PCNT: variants seen among roughly 807,000 people sequenced by gnomAD.
PCNT encodes pericentrin.
PCNT carries 319 observed loss-of-function variants against 380.4 expected under a neutral mutation model. The observed-to-expected ratio is 0.84, with a 90% CI of 0.77 to 0.92. The LOEUF (loss-of-function observed/expected upper bound fraction) is 0.92, where lower values mean the gene tolerates loss of function less well. Among genes scored for constraint, PCNT ranks in the 40% least tolerant of loss-of-function variants. The pLI, the probability that PCNT is intolerant of heterozygous loss-of-function variation, is 0.00. For missense variants in PCNT, 4,400 were observed against 4,255.3 expected (o/e 1.03, Z -0.95); for synonymous variants, 1,845 against 1,735.2 (o/e 1.06, Z -1.57).
At chr21:46,334,319 T>G in intron 2 of PCNT, 78 bp from the exon 3 acceptor site, 2 of 1,603,376 alleles carry the variant, frequency 1.2e-6, no homozygotes, top group South Asian at 2.2e-5. Flanking sequence ...GGCCTGCAGA[T>G]AGAGGAGCTG....
rs774136365 is a variant in PCNT, at chr21:46,431,741, G to A, written c.8277G>A (p.Glu2759=). 4.3e-6 allele frequency: 7 copies of A among 1,612,464 alleles called. No homozygotes were observed. The highest frequency in any genetic ancestry group is 1.7e-4 in the Middle Eastern group (1 of 6,054). Residue 2759 remains glutamate, a synonymous_variant, in exon 38 of 47, where the codon GAG becomes GAA. Transcript: ENST00000359568. The stretch of plus-strand genomic sequence containing the variant: ...AGAGCCGCACCCTGGAGCTGTCAGA[G>A]GCCTTGCGGCACGAGCGGCTCCTGA... ...AEKSRTLELS[E]ALRHERLLTE... is the part of the protein sequence containing the mutation.
chr21:46,417,382 C>T (rs1440085028), intron 30 of PCNT, among the ~76,000 whole-genome samples: 1 of 151,712 alleles, frequency 6.6e-6, no homozygotes, highest in African/African-American at 2.4e-5. Context: ...TTAGTAGAGA[C>T]GGGGTTTTAC....
chr21:46,386,418 G>T (rs77065540), intron 17 of PCNT, among the ~76,000 whole-genome samples: 1 of 152,236 alleles, frequency 6.6e-6, no homozygotes, highest in African/African-American at 2.4e-5. Context: ...TCTCTGTGAC[G>T]TGTGTTTCTG....
Position 46,416,187 on chromosome 21 carries a change from A to T in PCNT, c.6269A>T (p.Asp2090Val), listed in dbSNP as rs767033341. Residue 2090 changes from aspartate to valine, a missense_variant, in exon 30 of 47, where the codon GAT (aspartate) becomes GTT (valine). Physicochemically the swap from Asp to Val is radical, Grantham distance 152 (BLOSUM62 -3). Coordinates refer to ENST00000359568, the MANE Select transcript of PCNT (RefSeq NM_006031.6). The stretch of plus-strand genomic sequence containing the variant: ...TATTCCATGACCTTCCAGAATGTGG[A>T]TGCTGCCGACACCAAATCTCTGTGG... The part of the protein sequence containing the change: ...LLYSMTFQNV[D>V]AADTKSLWPM... 12 of 1,614,086 alleles carry T rather than the reference A, an allele frequency of 7.4e-6. No homozygotes were observed. The highest frequency in any genetic ancestry group is 2.7e-5 in the African/African-American group (2 of 74,920).
chr21:46,361,410 G>A (rs2084712025), intron 13 of PCNT, among the ~76,000 whole-genome samples: 1 of 152,120 alleles, frequency 6.6e-6, no homozygotes, highest in South Asian at 2.1e-4. Flanking sequence ...AGAAAAAAAA[G>A]AATACACATT....
intron 13 of PCNT, among the ~76,000 whole-genome samples, chr21:46,361,826 A>G (rs1331234935): frequency 1.3e-5 from 2 of 152,060 alleles, no homozygotes; most frequent in Non-Finnish European, 2.9e-5. Flanking sequence ...GTCTAAGGTG[A>G]CAGGTTTCTT....
intron 21 of PCNT, among the ~76,000 whole-genome samples, chr21:46,394,210 A>C (rs910113833): frequency 3.9e-5 from 6 of 152,172 alleles, no homozygotes; most frequent in Non-Finnish European, 7.4e-5. Context: ...CCTGGTGTGC[A>C]GCGGCCCTGC....
chr21:46,403,746 G>C (rs1307301764), intron 27 of PCNT, among the ~76,000 whole-genome samples: 1 of 141,030 alleles, frequency 7.1e-6, no homozygotes, highest in African/African-American at 2.7e-5. Context: ...TGTGTTTGGT[G>C]CCCACGCGGC....
At chr21:46,333,983 G>T (rs1469053790) in intron 2 of PCNT, among the ~76,000 whole-genome samples, 1 of 152,142 alleles carries the variant, frequency 6.6e-6, no homozygotes, top group Non-Finnish European at 1.5e-5. Context: ...AAGGCGGGCG[G>T]ATCACGAGGT....
intron 3 of PCNT, among the ~76,000 whole-genome samples, chr21:46,338,395 A>G (rs752504317): frequency 1.2e-4 from 18 of 152,146 alleles, no homozygotes; most frequent in Non-Finnish European, 2.5e-4. Context: ...ATGGAATTCT[A>G]TAATATGTAG....
chr21:46,378,680 CGCAG>C (rs1045362343), intron 15 of PCNT, among the ~76,000 whole-genome samples: 94 of 152,284 alleles, frequency 6.2e-4, no homozygotes, highest in African/African-American at 2.1e-3. Flanking sequence ...TAACTGAAAC[CGCAG>C]ACAAAGGGGA....
At chr21:46,418,182 C>T (rs779007097) in intron 30 of PCNT, 22 bp from the exon 31 acceptor site, 4 of 1,401,362 alleles carry the variant, frequency 2.9e-6, no homozygotes, top group South Asian at 2.3e-5. Context: ...TATTTTATGA[C>T]CATTTAAAAA....
intron 41 of PCNT, among the ~76,000 whole-genome samples, chr21:46,439,668 T>C (rs1398230803): frequency 1.3e-5 from 2 of 152,320 alleles, no homozygotes; most frequent in Non-Finnish European, 2.9e-5. Context: ...CACAGTTGGT[T>C]GAATCCATGG....
chr21:46,345,721 G>A (rs2084044373), intron 3 of PCNT, among the ~76,000 whole-genome samples: 1 of 152,218 alleles, frequency 6.6e-6, no homozygotes, highest in Admixed American at 6.5e-5. Context: ...GAAGCCCGGT[G>A]CTCGCGGCAG....
chr21:46,354,839 A>G (rs2084414489), intron 11 of PCNT, among the ~76,000 whole-genome samples: 1 of 152,222 alleles, frequency 6.6e-6, no homozygotes, highest in Non-Finnish European at 1.5e-5. Context: ...ACCCCAACAC[A>G]GAATTTGCTG....
chr21:46,430,745 GTTC>G, intron 37 of PCNT, 88 bp downstream of exon 37: 1 of 1,544,244 alleles, frequency 6.5e-7, no homozygotes, highest in Non-Finnish European at 8.7e-7. Flanking sequence ...TTCTTTTCCT[GTTC>G]TTCATGGCAG....
Position 46,366,963 on chromosome 21 carries a change from T to C in PCNT, c.2989T>C (p.Phe997Leu), listed in dbSNP as rs2146925418. The change falls in exon 15 of 47, where the codon TTT becomes CTT. Residue 997 changes from phenylalanine (F) to leucine (L), a missense_variant. Physicochemically the swap from Phe to Leu is conservative, Grantham distance 22 (BLOSUM62 0). Transcript: ENST00000359568. ...GGCCCTAGAGCTCTTACGAGCAGAC[T>C]TTGAGGAACAACTGTGGAAAAAGGA... Reference protein sequence around the residue: ...RQALELLRADFEEQLWKKDSL... With the variant: ...RQALELLRADLEEQLWKKDSL... 6.2e-7 allele frequency: 1 copy of C among 1,614,230 alleles called. No individual in the cohort carries two copies. The highest frequency in any genetic ancestry group is 1.1e-5 in the South Asian group (1 of 91,088).
At chr21:46,342,330 C>A (rs531265906) in intron 3 of PCNT, among the ~76,000 whole-genome samples, 1 of 152,102 alleles carries the variant, frequency 6.6e-6, no homozygotes, top group Non-Finnish European at 1.5e-5. Context: ...TGGTCTTGAA[C>A]TCCTGACCTC....
chr21:46,440,972 C>T lies in PCNT; in HGVS notation c.9511C>T (p.Leu3171Phe). Residue 3171 changes from leucine (L) to phenylalanine (F), a missense_variant, in exon 43 of 47, where the codon CTC (leucine) becomes TTC (phenylalanine). Leu to Phe is a conservative substitution (Grantham distance 22, BLOSUM62 0). Transcript: ENST00000359568. ...ATTCCAGGATTCTGAACAAGAAACA[C>T]TCTCCATGATTGCCCATTTGGGGGT... is the stretch of plus-strand genomic sequence containing the variant. ...GGFQDSEQET[L>F]SMIAHLGVFP... The T allele has an allele frequency of 6.2e-7, 1 of 1,612,982 alleles. No homozygotes were observed. Among genetic ancestry groups the T allele is most frequent in the South Asian group, 1.1e-5 (1 of 91,046 alleles).
Sources: gnomAD v4.1 joint callset for allele counts (sites outside exome capture counted in the v4.1 genomes callset) on GRCh38, gnomAD v4.1.1 for gene constraint, MANE v1.5 for transcripts, NCBI Gene and HGNC (gene_info 2026-07-23, HGNC 2026-07-21) for gene names.